Variants in IFT57 observed in about 807,000 individuals in gnomAD.
IFT57 encodes intraflagellar transport 57, also known as intraflagellar transport protein 57 homolog.
In IFT57, 59 loss-of-function variants were observed where a neutral mutation model predicts 56.8. The ratio of observed to expected loss-of-function variants is 1.04; its 90% CI spans 0.84 to 1.29. IFT57 has a LOEUF of 1.29. IFT57 is among the 50% of genes most tolerant of loss of function. IFT57 has a pLI of 0.00. For synonymous variants in IFT57, 209 were observed against 186.1 expected (o/e 1.12, Z -1.00); for missense variants, 470 against 522.1 (o/e 0.90, Z 0.97).
chr3:108,169,780 ACAT>A (rs2080082857), intron 6 of IFT57, among the ~76,000 whole-genome samples: 1 of 152,028 alleles, frequency 6.6e-6, no homozygotes, highest in Non-Finnish European at 1.5e-5. Flanking sequence ...ATCCAGCAGC[ACAT>A]CAAAAAGCTT....
At chr3:108,206,986 G>A (rs2080317584) in intron 4 of IFT57, among the ~76,000 whole-genome samples, 1 of 152,056 alleles carries the variant, frequency 6.6e-6, no homozygotes, top group Non-Finnish European at 1.5e-5. Context: ...CATTGCTATA[G>A]AACTACAGAT....
At chr3:108,212,097 C>T (rs1212881362) in intron 4 of IFT57, among the ~76,000 whole-genome samples, 1 of 152,174 alleles carries the variant, frequency 6.6e-6, no homozygotes, top group East Asian at 1.9e-4. Context: ...ATCTTCCCAC[C>T]TCAGCCTCCT....
chr3:108,187,267 A>G (rs1371451603), intron 6 of IFT57, among the ~76,000 whole-genome samples: 1 of 152,218 alleles, frequency 6.6e-6, no homozygotes, highest in African/African-American at 2.4e-5. Context: ...AGCTAATATT[A>G]AAATTAGTTT....
At chr3:108,193,008 G>T (rs2080224625) in intron 5 of IFT57, among the ~76,000 whole-genome samples, 1 of 152,140 alleles carries the variant, frequency 6.6e-6, no homozygotes, top group Non-Finnish European at 1.5e-5. Flanking sequence ...AAACTGGATA[G>T]CGTGGCATGT....
chr3:108,198,313 T>C (rs115068238), intron 5 of IFT57, among the ~76,000 whole-genome samples: 177 of 152,358 alleles, frequency 1.2e-3, no homozygotes, highest in African/African-American at 4.0e-3. Flanking sequence ...TTTCTTGTAA[T>C]ATAAAGTTTT....
intron 5 of IFT57, among the ~76,000 whole-genome samples, chr3:108,195,037 A>T (rs2080236106): frequency 6.6e-6 from 1 of 152,182 alleles, no homozygotes; most frequent in African/African-American, 2.4e-5. Flanking sequence ...GAGACAACCC[A>T]CAGAATGGGA....
Position 108,162,561 on chromosome 3 carries a change from G to C in IFT57, c.1206C>G (p.Leu402=). 2 of 1,612,792 alleles carry C rather than the reference G, an allele frequency of 1.2e-6. No individual in the cohort carries two copies. The highest frequency in any genetic ancestry group is 1.7e-6 in the Non-Finnish European group (2 of 1,179,154). ...TGGACTTCTCCTTCAGCTTTGATTG[G>C]AGTAGTGTGTGTTCCACAATGCCAA... The part of the protein sequence containing the change: ...IRIGIVEHTL[L]QSKLKEKSNM... Residue 402 remains leucine (L), a synonymous_variant, in exon 11 of 11, where the codon CTC becomes CTG. Transcript: ENST00000264538.
chr3:108,194,430 T>G (rs1305740496), intron 5 of IFT57, among the ~76,000 whole-genome samples: 1 of 151,736 alleles, frequency 6.6e-6, no homozygotes, highest in Non-Finnish European at 1.5e-5. Context: ...CAAAGCAATC[T>G]ACAGATGCAA....
At chr3:108,209,224 T>C (rs527283019) in intron 4 of IFT57, among the ~76,000 whole-genome samples, 5 of 152,258 alleles carry the variant, frequency 3.3e-5, no homozygotes, top group Admixed American at 6.5e-5. Flanking sequence ...TCATGTAACA[T>C]AGATGTACTG....
chr3:108,182,632 T>C (rs1200103832), intron 6 of IFT57, among the ~76,000 whole-genome samples: 3 of 152,098 alleles, frequency 2.0e-5, no homozygotes, highest in Non-Finnish European at 4.4e-5. Context: ...AAATTTAAAG[T>C]TTAAGGTTCT....
intron 6 of IFT57, among the ~76,000 whole-genome samples, chr3:108,180,137 C>A (rs1044065233): frequency 6.6e-6 from 1 of 152,028 alleles, no homozygotes; most frequent in Non-Finnish European, 1.5e-5. Context: ...TCTATAACCT[C>A]TAAATATAAT....
chr3:108,195,520 G>C (rs1228460310), intron 5 of IFT57, among the ~76,000 whole-genome samples: 6 of 152,066 alleles, frequency 3.9e-5, no homozygotes, highest in African/African-American at 1.4e-4. Context: ...ATCTGCATTC[G>C]CATGTTTACT....
At chr3:108,166,725 T>C in intron 8 of IFT57, 129 bp downstream of exon 8, 1 of 719,038 alleles carries the variant, frequency 1.4e-6, no homozygotes, top group Non-Finnish European at 2.1e-6. Flanking sequence ...CTTCCTAAAG[T>C]GGGCAGAAAA....
At chr3:108,172,836 T>G (rs949978119) in intron 6 of IFT57, among the ~76,000 whole-genome samples, 18 of 151,806 alleles carry the variant, frequency 1.2e-4, no homozygotes, top group African/African-American at 1.9e-4. Context: ...TACTAGGAAT[T>G]TGTGTTTGCA....
chr3:108,208,862 G>A (rs2080328086), intron 4 of IFT57, among the ~76,000 whole-genome samples: 1 of 152,160 alleles, frequency 6.6e-6, no homozygotes, highest in South Asian at 2.1e-4. Context: ...CAAAATGGAA[G>A]GAAGAGTATT....
intron 5 of IFT57, among the ~76,000 whole-genome samples, chr3:108,200,141 A>G (rs1230399207): frequency 1.3e-5 from 2 of 152,338 alleles, no homozygotes. Context: ...AAAGCCATCA[A>G]TCATTGAATT....
At chr3:108,198,860 T>C (rs776017740) in intron 5 of IFT57, among the ~76,000 whole-genome samples, 1 of 152,224 alleles carries the variant, frequency 6.6e-6, no homozygotes, top group Non-Finnish European at 1.5e-5. Context: ...TAGCCTATTA[T>C]CTCTTTACCA....
chr3:108,221,159 A>G (rs2080403779), intron 1 of IFT57, among the ~76,000 whole-genome samples: 1 of 152,198 alleles, frequency 6.6e-6, no homozygotes, highest in Non-Finnish European at 1.5e-5. Flanking sequence ...ATATCTTTCA[A>G]TTCAAGTTAT....
At chr3:108,188,150 T>C (rs1053824820) in intron 6 of IFT57, among the ~76,000 whole-genome samples, 6 of 152,016 alleles carry the variant, frequency 3.9e-5, no homozygotes. Context: ...AAGTGTCTAT[T>C]TGATTTTGAT....
Sources: allele counts gnomAD v4.1 joint callset (sites outside exome capture counted in the v4.1 genomes callset), GRCh38; gene constraint gnomAD v4.1.1; transcripts MANE v1.5; gene names NCBI Gene and HGNC (gene_info 2026-07-23, HGNC 2026-07-21).